CNTN6: variants seen among roughly 807,000 people sequenced by gnomAD.
The protein encoded by CNTN6 is contactin-6.
CNTN6 carries 137 observed loss-of-function variants against 122.8 expected under a neutral mutation model. The observed-to-expected ratio is 1.12, with a 90% CI of 0.97 to 1.29. The LOEUF (loss-of-function observed/expected upper bound fraction) is 1.29, where lower values mean the gene tolerates loss of function less well. Ranked by LOEUF, CNTN6 falls within the 50% of genes most tolerant of loss-of-function variation. The pLI, the probability that CNTN6 is intolerant of heterozygous loss-of-function variation, is 0.00. For missense variants in CNTN6, 1,634 were observed against 1,223.4 expected, an observed-to-expected ratio of 1.34 and a Z score of -5.01; for synonymous variants, 570 against 426.0, an observed-to-expected ratio of 1.34 and a Z score of -4.16.
At chr3:1,230,451 C>T (rs141813881) in intron 4 of CNTN6, among the ~76,000 whole-genome samples, 2 of 152,190 alleles carry the variant, frequency 1.3e-5, no homozygotes, top group African/African-American at 4.8e-5. Context: ...TTACCTATCT[C>T]AACTTAGACA....
At chr3:1,269,908 A>C (rs1373838028) in intron 4 of CNTN6, among the ~76,000 whole-genome samples, 1 of 152,154 alleles carries the variant, frequency 6.6e-6, no homozygotes, top group African/African-American at 2.4e-5. Flanking sequence ...TTACACCCCC[A>C]AAAGTGAGGA....
At chr3:1,379,796 G>A (rs1351093862) in intron 17 of CNTN6, among the ~76,000 whole-genome samples, 3 of 152,068 alleles carry the variant, frequency 2.0e-5, no homozygotes, top group Non-Finnish European at 4.4e-5. Flanking sequence ...TTATGTACAA[G>A]CAGATACTGA....
chr3:1,345,278 G>A (rs746206829), intron 11 of CNTN6, among the ~76,000 whole-genome samples: 5 of 151,852 alleles, frequency 3.3e-5, no homozygotes, highest in African/African-American at 7.2e-5. Context: ...CACCATACCC[G>A]CTAATTTTTG....
chr3:1,392,625 C>T (rs1694335547), intron 20 of CNTN6, among the ~76,000 whole-genome samples: 1 of 145,826 alleles, frequency 6.9e-6, no homozygotes, highest in Non-Finnish European at 1.5e-5. Context: ...AGGCAACCTA[C>T]AAAATGGGAG....
intron 2 of CNTN6, among the ~76,000 whole-genome samples, chr3:1,207,434 G>C (rs1284051425): frequency 6.6e-5 from 10 of 152,048 alleles, no homozygotes; most frequent in African/African-American, 2.4e-4. Context: ...AGTCTCAGGG[G>C]TTTGACGCTT....
At chr3:1,263,941 C>T (rs2094887220) in intron 4 of CNTN6, among the ~76,000 whole-genome samples, 2 of 151,314 alleles carry the variant, frequency 1.3e-5, no homozygotes, top group Non-Finnish European at 2.9e-5. Flanking sequence ...CAAAAAGAAT[C>T]TAGAATGCAA....
At chr3:1,111,899 A>G (rs1293735750) in intron 1 of CNTN6, among the ~76,000 whole-genome samples, 3 of 152,126 alleles carry the variant, frequency 2.0e-5, no homozygotes, top group African/African-American at 7.2e-5. Flanking sequence ...TAAAATAAGA[A>G]TGCTATTTTT....
chr3:1,319,469 ATAT>A (rs1431908012), intron 7 of CNTN6, among the ~76,000 whole-genome samples: 4 of 151,662 alleles, frequency 2.6e-5, no homozygotes, highest in African/African-American at 7.2e-5. Context: ...ATTTGTTGTA[ATAT>A]TATTACAATT....
chr3:1,163,994 G>C (rs374611306), intron 2 of CNTN6, among the ~76,000 whole-genome samples: 10 of 152,166 alleles, frequency 6.6e-5, no homozygotes, highest in Admixed American at 2.0e-4. Context: ...GGCTGAGCTA[G>C]AACTATGTTT....
chr3:1,133,293 A>G (rs1404810663), intron 1 of CNTN6, among the ~76,000 whole-genome samples: 7 of 152,206 alleles, frequency 4.6e-5, no homozygotes, highest in Non-Finnish European at 7.3e-5. Flanking sequence ...ACATTCTTCA[A>G]ATAACTTGAT....
chr3:1,322,046 G>T (rs1700936606), intron 8 of CNTN6, among the ~76,000 whole-genome samples: 1 of 151,594 alleles, frequency 6.6e-6, no homozygotes, highest in Non-Finnish European at 1.5e-5. Context: ...GAATGCTATT[G>T]TTTATTATAT....
At chr3:1,350,757 G>A (rs911110192) in intron 11 of CNTN6, among the ~76,000 whole-genome samples, 1 of 151,710 alleles carries the variant, frequency 6.6e-6, no homozygotes, top group Non-Finnish European at 1.5e-5. Flanking sequence ...TTTCTGTCAT[G>A]TGTTTTTTAT....
chr3:1,287,788 T>C (rs1208569211), intron 5 of CNTN6, among the ~76,000 whole-genome samples: 1 of 152,204 alleles, frequency 6.6e-6, no homozygotes, highest in Non-Finnish European at 1.5e-5. Context: ...ACAAATGCCA[T>C]GGCAACTTCT....
Position 1,193,183 on chromosome 3 carries a change from G to C in CNTN6, c.56-27504G>C, listed in dbSNP as rs147296571. ...GCGCAGGTTAACACAATCAGGTTTT[G>C]CTGTGCTATTGTTTTAAATAACTTT... On this transcript the variant is annotated intron_variant, in intron 2 of 22. Coordinates refer to ENST00000446702, the MANE Select transcript of CNTN6 (RefSeq NM_001289080.2). 2.2e-3 allele frequency among the ~76,000 whole-genome samples: 329 copies of C among 152,250 alleles called. 1 individual carries two copies. The highest frequency in any genetic ancestry group is 7.4e-3 in the African/African-American group (308 of 41,548).
chr3:1,318,772 C>A (rs1700456519), intron 7 of CNTN6, among the ~76,000 whole-genome samples: 1 of 151,664 alleles, frequency 6.6e-6, no homozygotes, highest in Non-Finnish European at 1.5e-5. Flanking sequence ...ATGGCTGCTC[C>A]TGGGGGTATG....
chr3:1,139,703 C>T (rs537379627), intron 1 of CNTN6, among the ~76,000 whole-genome samples: 18 of 152,250 alleles, frequency 1.2e-4, no homozygotes, highest in South Asian at 6.2e-4. Flanking sequence ...TTTGGAGAGA[C>T]TCCAGGGATA....
chr3:1,330,673 T>C (rs1279270845), intron 11 of CNTN6, among the ~76,000 whole-genome samples: 1 of 151,832 alleles, frequency 6.6e-6, no homozygotes, highest in Non-Finnish European at 1.5e-5. Context: ...GCTGAAGATA[T>C]GAAAATAGTC....
At chr3:1,120,334 TTAGCTGTTC>T (rs1407695744) in intron 1 of CNTN6, among the ~76,000 whole-genome samples, 1 of 152,004 alleles carries the variant, frequency 6.6e-6, no homozygotes, top group Non-Finnish European at 1.5e-5. Flanking sequence ...TACGAAAGGT[TTAGCTGTTC>T]TACCTCGTCA....
At chr3:1,167,052 A>G (rs1299875661) in intron 2 of CNTN6, among the ~76,000 whole-genome samples, 2 of 147,328 alleles carry the variant, frequency 1.4e-5, no homozygotes, top group Admixed American at 6.7e-5. Context: ...AAAATTAAAA[A>G]AAAAAAAAAG....
Sources: gnomAD v4.1 joint callset for allele counts (sites outside exome capture counted in the v4.1 genomes callset) on GRCh38, gnomAD v4.1.1 for gene constraint, MANE v1.5 for transcripts, NCBI Gene and HGNC (gene_info 2026-07-23, HGNC 2026-07-21) for gene names.